Variants in PTPRT observed in about 807,000 individuals in gnomAD.
PTPRT encodes protein tyrosine phosphatase receptor type T.
In PTPRT, 56 loss-of-function variants were observed where a neutral mutation model predicts 176.8. The ratio of observed to expected loss-of-function variants is 0.32; its 90% CI spans 0.26 to 0.40. The LOEUF is 0.40. PTPRT is among the 10% of genes least tolerant of loss of function. PTPRT has a pLI of 1.00. For missense variants in PTPRT, 1,540 were observed against 1,908.2 expected, an observed-to-expected ratio of 0.81 and a Z score of 3.60; for synonymous variants, 783 against 739.0, an observed-to-expected ratio of 1.06 and a Z score of -0.96.
chr20:42,521,689 CT>C (rs768277497), intron 7 of PTPRT, among the ~76,000 whole-genome samples: 11 of 152,126 alleles, frequency 7.2e-5, no homozygotes, highest in Non-Finnish European at 1.3e-4. Flanking sequence ...ATCTGATTTC[CT>C]GCATGTTGAT....
chr20:42,726,238 C>T (rs1226589072), intron 6 of PTPRT, among the ~76,000 whole-genome samples: 4 of 152,088 alleles, frequency 2.6e-5, no homozygotes, highest in African/African-American at 7.2e-5. Flanking sequence ...CATCAGCACA[C>T]TTGGCTAATT....
At chr20:42,657,010 C>T (rs1405767665) in intron 7 of PTPRT, among the ~76,000 whole-genome samples, 1 of 152,104 alleles carries the variant, frequency 6.6e-6, no homozygotes, top group South Asian at 2.1e-4. Context: ...CCCCATGTGT[C>T]GAGGGTGGGA....
intron 7 of PTPRT, 121 bp downstream of exon 7, chr20:42,677,744 AG>A: frequency 8.6e-7 from 1 of 1,160,036 alleles, no homozygotes; most frequent in Admixed American, 2.4e-5. Context: ...TATCCACAAT[AG>A]GAAGCACATT....
chr20:42,317,894 A>G (rs1237520655), intron 11 of PTPRT, among the ~76,000 whole-genome samples: 1 of 152,190 alleles, frequency 6.6e-6, no homozygotes, highest in Non-Finnish European at 1.5e-5. Flanking sequence ...CTGAGTAAGA[A>G]CCTGACAGTT....
At chr20:42,504,512 T>G (rs2071810283) in intron 7 of PTPRT, among the ~76,000 whole-genome samples, 1 of 152,172 alleles carries the variant, frequency 6.6e-6, no homozygotes, top group South Asian at 2.1e-4. Context: ...AATAAAATAA[T>G]TTATCATTTT....
intron 2 of PTPRT, among the ~76,000 whole-genome samples, chr20:42,792,437 T>C (rs1419906913): frequency 6.6e-6 from 1 of 152,098 alleles, no homozygotes. Context: ...ACAAGTAAAG[T>C]TGGTGCAAAA....
chr20:42,233,729 G>T (rs964241509), intron 15 of PTPRT, among the ~76,000 whole-genome samples: 12 of 152,220 alleles, frequency 7.9e-5, no homozygotes, highest in Admixed American at 7.2e-4. Flanking sequence ...TACAATATAT[G>T]ACCGTCATGG....
chr20:42,332,209 CA>C (rs2057975135), intron 11 of PTPRT, among the ~76,000 whole-genome samples: 1 of 151,900 alleles, frequency 6.6e-6, no homozygotes, highest in Admixed American at 6.6e-5. Flanking sequence ...AAGAAAAAAA[CA>C]TTTTTTTTCT....
At chr20:42,303,046 G>A (rs2057492356) in intron 12 of PTPRT, among the ~76,000 whole-genome samples, 1 of 152,212 alleles carries the variant, frequency 6.6e-6, no homozygotes, top group Non-Finnish European at 1.5e-5. Flanking sequence ...AGTTGGAAAT[G>A]TAGTTTCTCT....
intron 7 of PTPRT, among the ~76,000 whole-genome samples, chr20:42,642,886 A>C (rs2074793475): frequency 6.6e-6 from 1 of 152,202 alleles, no homozygotes; most frequent in Non-Finnish European, 1.5e-5. Flanking sequence ...GGGCTTGGCC[A>C]CATGACTTGT....
intron 10 of PTPRT, among the ~76,000 whole-genome samples, chr20:42,350,963 G>A (rs1353744068): frequency 1.3e-5 from 2 of 152,210 alleles, no homozygotes; most frequent in African/African-American, 2.4e-5. Flanking sequence ...ATGATCTGTC[G>A]AGTAACCTGC....
intron 1 of PTPRT, among the ~76,000 whole-genome samples, chr20:43,108,282 T>C (rs1421249458): frequency 6.6e-6 from 1 of 152,214 alleles, no homozygotes; most frequent in Non-Finnish European, 1.5e-5. Context: ...TGTGAGAAGC[T>C]GAAGCCACAT....
intron 16 of PTPRT, among the ~76,000 whole-genome samples, chr20:42,187,547 A>G (rs1990829835): frequency 1.3e-5 from 2 of 152,162 alleles, no homozygotes; most frequent in South Asian, 2.1e-4. Context: ...CAGCTTTTCA[A>G]TCTTTGTGAT....
At chr20:42,591,896 G>A (rs1390498697) in intron 7 of PTPRT, among the ~76,000 whole-genome samples, 3 of 151,776 alleles carry the variant, frequency 2.0e-5, no homozygotes, top group Non-Finnish European at 2.9e-5. Flanking sequence ...GAGCACTGGT[G>A]GAGGATATAG....
At chr20:43,087,388 T>A (rs6103149) in intron 1 of PTPRT, among the ~76,000 whole-genome samples, 1 of 34,634 alleles carries the variant, frequency 2.9e-5, no homozygotes, top group Non-Finnish European at 6.7e-5. Flanking sequence ...TTTTTTTTTT[T>A]CTCCGAAACA....
chr20:42,706,595 T>A (rs932593286), intron 6 of PTPRT, among the ~76,000 whole-genome samples: 1 of 152,168 alleles, frequency 6.6e-6, no homozygotes, highest in African/African-American at 2.4e-5. Context: ...GCAGTCATTT[T>A]AAAAATTTAG....
At chr20:42,204,498 T>G (rs73120420) in intron 15 of PTPRT, among the ~76,000 whole-genome samples, 1 of 152,128 alleles carries the variant, frequency 6.6e-6, no homozygotes, top group Non-Finnish European at 1.5e-5. Context: ...AAAGAGAGTA[T>G]GCATAAGTCT....
chr20:42,045,841 A>T, the PTPRT span, among the ~76,000 whole-genome samples: 27 of 152,292 alleles, frequency 1.8e-4, no homozygotes, highest in South Asian at 4.8e-3. Context: ...TCTATAAATC[A>T]TCAGCTGACC....
chr20:42,558,413 T>C (rs1242495276), intron 7 of PTPRT, among the ~76,000 whole-genome samples: 1 of 152,150 alleles, frequency 6.6e-6, no homozygotes. Flanking sequence ...CTATCGTGAA[T>C]AGTGCTGCAA....
Sources: allele counts gnomAD v4.1 joint callset (sites outside exome capture counted in the v4.1 genomes callset), GRCh38; gene constraint gnomAD v4.1.1; transcripts MANE v1.5; gene names NCBI Gene and HGNC (gene_info 2026-07-23, HGNC 2026-07-21).